The following SEC24B variants were observed in gnomAD, a reference collection of about 807,000 sequenced individuals.
The protein encoded by SEC24B is SEC24 homolog B, COPII component.
Under a neutral mutation model 142.8 loss-of-function variants are expected in SEC24B, and 45 were observed. The observed-to-expected ratio is 0.32, with a 90% CI of 0.25 to 0.40. The LOEUF (loss-of-function observed/expected upper bound fraction) is 0.40, where lower values mean the gene tolerates loss of function less well. SEC24B is among the 10% of genes least tolerant of loss of function. The pLI, the probability that SEC24B is intolerant of heterozygous loss-of-function variation, is 1.00. For synonymous variants in SEC24B, 574 were observed against 568.2 expected, an observed-to-expected ratio of 1.01 and a Z score of -0.15; for missense variants, 1,409 against 1,526.8, an observed-to-expected ratio of 0.92 and a Z score of 1.29.
At chr4:109,482,971 T>TAC (rs1167329769) in intron 4 of SEC24B, among the ~76,000 whole-genome samples, 12 of 59,314 alleles carry the variant, frequency 2.0e-4, no homozygotes, top group Non-Finnish European at 1.8e-4. Context: ...TATATATATA[T>TAC]ATATATATAC....
chr4:109,532,013 C>T (rs984106380), intron 20 of SEC24B, among the ~76,000 whole-genome samples: 8 of 152,064 alleles, frequency 5.3e-5, no homozygotes, highest in African/African-American at 9.7e-5. Flanking sequence ...CATGCCACCA[C>T]GCCTGGCTAA....
At chr4:109,482,941 T>TAC (rs1359878804) in intron 4 of SEC24B, among the ~76,000 whole-genome samples, 1 of 24,592 alleles carries the variant, frequency 4.1e-5, no homozygotes, top group Non-Finnish European at 7.4e-5. Context: ...TTGTACTATA[T>TAC]ATATATATAT....
Position 109,525,429 on chromosome 4 carries a change from T to A in SEC24B, c.2716T>A (p.Leu906Ile). The change falls in exon 16 of 24, where the codon TTA becomes ATA. Residue 906 changes from leucine to isoleucine, a missense_variant. By Grantham distance (5) the Leu-to-Ile change is conservative. Transcript: ENST00000265175. ...YTHNPSQAEK[L>I]QKDLKRYLTR... ...TCACAATCCTTCACAAGCAGAAAAG[T>A]TACAAAAAGACCTAAAACGGTATCT... is the stretch of plus-strand genomic sequence containing the variant. The A allele has an allele frequency of 6.2e-7, 1 of 1,611,940 alleles. No homozygotes were observed. The highest frequency in any genetic ancestry group is 8.5e-7 in the Non-Finnish European group (1 of 1,178,826).
At chr4:109,513,656 A>G in intron 9 of SEC24B, 91 bp from the exon 10 acceptor site, 1 of 740,420 alleles carries the variant, frequency 1.4e-6, no homozygotes. Flanking sequence ...CCTCGTGTAA[A>G]TATTGATAAT....
chr4:109,479,554 A>G (rs1400137225), intron 3 of SEC24B, among the ~76,000 whole-genome samples: 1 of 152,000 alleles, frequency 6.6e-6, no homozygotes, highest in African/African-American at 2.4e-5. Context: ...TGTAGTCTGT[A>G]TGTGCTATAC....
In SEC24B at chr4:109,445,713, C is replaced by T. The variant is rs187568710; in HGVS notation, c.133+11711C>T. ...CCTCCCAAGTTACTGGGACTACAGGCACAAACCACCACACCTGCGTAATTT... is the reference window on the plus strand; with the variant it reads ...CCTCCCAAGTTACTGGGACTACAGGTACAAACCACCACACCTGCGTAATTT... On this transcript the variant is annotated intron_variant, in intron 1 of 23. Transcript: ENST00000265175. Among the ~76,000 whole-genome samples the T allele has an allele frequency of 2.6e-4, 40 of 151,946 alleles. 1 individual carries two copies. The highest frequency in any genetic ancestry group is 2.1e-3 in the Admixed American group (32 of 15,250).
rs564233926 is a variant in SEC24B at position 109,444,743 on chromosome 4, CCAGCTGAG to C, written c.133+10747_133+10754del. 2.0e-3 allele frequency among the ~76,000 whole-genome samples: 307 copies of C among 152,096 alleles called. 1 individual carries two copies. Among genetic ancestry groups the C allele is most frequent in the Non-Finnish European group, 2.9e-3 (199 of 67,990 alleles). ...GCACATGATATATCAGTCAGGCTGA[CCAGCTGAG>C]CAGCTCCATTGAAAATATTATAGAC... On this transcript the variant is annotated intron_variant, in intron 1 of 23. Coordinates refer to ENST00000265175, the MANE Select transcript of SEC24B (RefSeq NM_006323.5).
intron 7 of SEC24B, among the ~76,000 whole-genome samples, chr4:109,507,357 C>T (rs1423906638): frequency 6.6e-6 from 1 of 151,266 alleles, no homozygotes; most frequent in African/African-American, 2.4e-5. Flanking sequence ...TGACTGCAAC[C>T]TCCGCCTCCC....
intron 9 of SEC24B, among the ~76,000 whole-genome samples, chr4:109,513,209 G>A (rs1477633587): frequency 6.6e-5 from 10 of 150,862 alleles, no homozygotes; most frequent in Admixed American, 5.3e-4. Flanking sequence ...TCCTGACCTC[G>A]TGATCTTCCC....
At chr4:109,529,548 A>G (rs966130038) in intron 18 of SEC24B, among the ~76,000 whole-genome samples, 2 of 152,170 alleles carry the variant, frequency 1.3e-5, no homozygotes, top group African/African-American at 4.8e-5. Flanking sequence ...CTTTCAAAAA[A>G]TTTGTTGGCT....
chr4:109,512,971 CTTTTTTT>C (rs60804973), intron 9 of SEC24B, among the ~76,000 whole-genome samples: 1 of 103,630 alleles, frequency 9.6e-6, no homozygotes, highest in Admixed American at 1.0e-4. Context: ...TAAGCCTGAT[CTTTTTTT>C]TTTTTTTTTT....
At chr4:109,472,947 A>T (rs950708318) in intron 2 of SEC24B, 57 bp from the exon 3 acceptor site, 1 of 790,038 alleles carries the variant, frequency 1.3e-6, no homozygotes, top group Non-Finnish European at 1.8e-6. Flanking sequence ...ATGTGGTACT[A>T]TATTATATAT....
intron 1 of SEC24B, among the ~76,000 whole-genome samples, chr4:109,442,031 A>G (rs1390151876): frequency 6.6e-6 from 1 of 152,216 alleles, no homozygotes; most frequent in Non-Finnish European, 1.5e-5. Flanking sequence ...GAGACTCCTC[A>G]TTTTTGAAAT....
intron 3 of SEC24B, among the ~76,000 whole-genome samples, chr4:109,475,586 T>C (rs932601929): frequency 6.6e-5 from 10 of 152,168 alleles, no homozygotes; most frequent in African/African-American, 2.4e-4. Context: ...TAGATTGATA[T>C]CTAAAATTTT....
chr4:109,503,682 G>A (rs1029187635), intron 6 of SEC24B, among the ~76,000 whole-genome samples: 1 of 152,002 alleles, frequency 6.6e-6, no homozygotes, highest in African/African-American at 2.4e-5. Context: ...TTCTTTTATT[G>A]TTTTTACCTT....
chr4:109,443,069 C>T (rs1268861658), intron 1 of SEC24B, among the ~76,000 whole-genome samples: 18 of 152,166 alleles, frequency 1.2e-4, no homozygotes, highest in Admixed American at 1.0e-3. Context: ...TGGTATTTCC[C>T]TGCTCCATTC....
At position 109,525,340 on chromosome 4, in the gene SEC24B, C is replaced by G; in HGVS notation, c.2633-6C>G. ...TAGCTAATACTTTTTGTATTTCTCT[C>G]TAAAGCTTGCATGTCCAAGTATTCT... On this transcript the variant is annotated splice_region_variant and splice_polypyrimidine_tract_variant and intron_variant, in intron 15 of 23. Transcript: ENST00000265175. 1.9e-6 allele frequency: 3 copies of G among 1,575,266 alleles called. No homozygotes were observed. The highest frequency in any genetic ancestry group is 2.6e-6 in the Non-Finnish European group (3 of 1,163,350).
In SEC24B at chr4:109,463,237, A is replaced by G. The variant is rs558781877; in HGVS notation, c.470A>G (p.Asn157Ser). 1.3e-5 allele frequency: 21 copies of G among 1,614,002 alleles called. No individual in the cohort carries two copies. The highest frequency in any genetic ancestry group is 1.7e-5 in the Non-Finnish European group (20 of 1,180,006). The change falls in exon 2 of 24, where the codon AAT becomes AGT. Residue 157 changes from asparagine to serine, a missense_variant. Around this residue, in one of 2 missense-constraint regions of SEC24B, gnomAD observed 709 missense variants for 673.5 expected, o/e 1.05. Coordinates refer to ENST00000265175, the MANE Select transcript of SEC24B (RefSeq NM_006323.5). ...SASQPYSSFV[N>S]HYNSPAMYSA... ...TCCCAACCATACTCCTCTTTTGTGA[A>G]TCACTACAATAGTCCAGCCATGTAC...
At chr4:109,509,195 T>C (rs1326968987) in intron 7 of SEC24B, among the ~76,000 whole-genome samples, 3 of 152,096 alleles carry the variant, frequency 2.0e-5, no homozygotes, top group Admixed American at 6.6e-5. Flanking sequence ...ATGGCAAATA[T>C]GGAGGTCCTG....
Sources: allele counts gnomAD v4.1 joint callset (sites outside exome capture counted in the v4.1 genomes callset), GRCh38; gene constraint gnomAD v4.1.1; regional missense constraint gnomAD v4.1.1; transcripts MANE v1.5; gene names NCBI Gene and HGNC (gene_info 2026-07-23, HGNC 2026-07-21).